CCDC146: variants seen among roughly 807,000 people sequenced by gnomAD.
CCDC146 encodes the protein coiled-coil domain-containing protein 146.
CCDC146 carries 92 observed loss-of-function variants against 119.3 expected under a neutral mutation model. The observed-to-expected ratio is 0.77, with a 90% CI of 0.65 to 0.92. CCDC146 has a LOEUF of 0.92. CCDC146 is among the 40% of genes least tolerant of loss of function. The pLI is 0.00. For missense variants in CCDC146, 1,000 were observed against 1,103.0 expected, an observed-to-expected ratio of 0.91 and a Z score of 1.32; for synonymous variants, 372 against 371.8, an observed-to-expected ratio of 1.00 and a Z score of -0.01.
At chr7:77,146,900 C>G (rs1791029580) in intron 1 of CCDC146, among the ~76,000 whole-genome samples, 1 of 152,078 alleles carries the variant, frequency 6.6e-6, no homozygotes. Flanking sequence ...GGAGTTGCTC[C>G]TCTCGAGGAG....
chr7:77,126,947 T>C (rs1181880285), intron 1 of CCDC146, among the ~76,000 whole-genome samples: 3 of 152,036 alleles, frequency 2.0e-5, no homozygotes, highest in Non-Finnish European at 4.4e-5. Context: ...CACCCAAGAA[T>C]CTGTCTGCCT....
chr7:77,291,213 A>C (rs1793936543), intron 17 of CCDC146, among the ~76,000 whole-genome samples: 1 of 152,192 alleles, frequency 6.6e-6, no homozygotes. Context: ...GGAACTAATG[A>C]GTGTTGCCAG....
rs780137124 is a variant in CCDC146, at chr7:77,260,205, A to G, written c.955A>G (p.Arg319Gly). The G allele has an allele frequency of 5.6e-5, 91 of 1,613,382 alleles. No homozygotes were observed. The highest frequency in any genetic ancestry group is 6.7e-5 in the Non-Finnish European group (79 of 1,179,858). Residue 319 changes from arginine (R) to glycine (G), a missense_variant, in exon 8 of 19, where the codon AGA becomes GGA. Transcript: ENST00000285871. ...ATTGGTCAAGCTATTGGAATTAGCC[A>G]GAGAGAATGAAGCAACTTCATTAAC... ...NQLVKLLELA[R>G]ENEATSLTER... is the part of the protein sequence containing the mutation.
intron 2 of CCDC146, among the ~76,000 whole-genome samples, chr7:77,217,333 C>G (rs1414586523): frequency 6.6e-6 from 1 of 150,962 alleles, no homozygotes; most frequent in Non-Finnish European, 1.5e-5. Context: ...ATTTTCTACA[C>G]ACACACACAC....
At chr7:77,280,207 GAA>G (rs930129082) in intron 13 of CCDC146, among the ~76,000 whole-genome samples, 8 of 152,114 alleles carry the variant, frequency 5.3e-5, no homozygotes, top group Non-Finnish European at 7.4e-5. Flanking sequence ...GGGGGAAAAG[GAA>G]AGATGTTCTA....
chr7:77,287,648 C>T (rs2150554240), intron 17 of CCDC146, 71 bp downstream of exon 17: 1 of 1,522,338 alleles, frequency 6.6e-7, no homozygotes, highest in Non-Finnish European at 8.9e-7. Flanking sequence ...CACAGACCGA[C>T]AGATTTATTG....
chr7:77,138,335 C>G (rs1790888248), intron 1 of CCDC146, among the ~76,000 whole-genome samples: 1 of 141,972 alleles, frequency 7.0e-6, no homozygotes, highest in Non-Finnish European at 1.5e-5. Flanking sequence ...CATGTACATG[C>G]AAAAAAAAAT....
chr7:77,226,436 C>T (rs1792515874), intron 2 of CCDC146, among the ~76,000 whole-genome samples: 2 of 152,218 alleles, frequency 1.3e-5, no homozygotes, highest in South Asian at 4.1e-4. Context: ...CATGCTGACC[C>T]CCTTCCAGAT....
At chr7:77,212,209 T>C (rs901194382) in intron 2 of CCDC146, among the ~76,000 whole-genome samples, 1 of 152,136 alleles carries the variant, frequency 6.6e-6, no homozygotes, top group African/African-American at 2.4e-5. Context: ...TCAAAATAAA[T>C]ATACAAATAC....
intron 2 of CCDC146, among the ~76,000 whole-genome samples, chr7:77,189,609 G>A (rs1791727949): frequency 6.6e-6 from 1 of 152,070 alleles, no homozygotes; most frequent in South Asian, 2.1e-4. Context: ...TAAAGGCCTA[G>A]GTAATCCGGT....
intron 1 of CCDC146, among the ~76,000 whole-genome samples, 170 bp from the exon 2 acceptor site, chr7:77,167,488 T>C (rs570072905): frequency 1.3e-5 from 2 of 152,190 alleles, no homozygotes; most frequent in East Asian, 3.9e-4. Flanking sequence ...GAGAGTGTCT[T>C]TGCAAAAAAC....
intron 4 of CCDC146, among the ~76,000 whole-genome samples, chr7:77,250,504 C>T (rs1806883790): frequency 6.6e-6 from 1 of 152,208 alleles, no homozygotes; most frequent in African/African-American, 2.4e-5. Context: ...TCACTCTACT[C>T]TCTTCTTGCA....
chr7:77,248,697 A>G (rs1217021148), intron 4 of CCDC146, among the ~76,000 whole-genome samples: 1 of 152,260 alleles, frequency 6.6e-6, no homozygotes, highest in East Asian at 1.9e-4. Flanking sequence ...AATCTGGTCA[A>G]TAAAACAGTT....
At chr7:77,152,436 T>C (rs1161699395) in intron 1 of CCDC146, among the ~76,000 whole-genome samples, 3 of 152,114 alleles carry the variant, frequency 2.0e-5, no homozygotes, top group Non-Finnish European at 2.9e-5. Flanking sequence ...GAAATACTTA[T>C]GCAACAAAAA....
At chr7:77,141,972 G>A (rs1790939447) in intron 1 of CCDC146, among the ~76,000 whole-genome samples, 1 of 152,100 alleles carries the variant, frequency 6.6e-6, no homozygotes, top group Admixed American at 6.6e-5. Context: ...TGGTGTCTTA[G>A]TCATGAAGTC....
At chr7:77,231,816 T>G (rs559323012) in intron 2 of CCDC146, among the ~76,000 whole-genome samples, 1 of 145,916 alleles carries the variant, frequency 6.9e-6, no homozygotes, top group African/African-American at 2.4e-5. Flanking sequence ...CCTGTTGTTG[T>G]TGTTTTTTTT....
At chr7:77,199,807 C>T (rs1791952137) in intron 2 of CCDC146, 1 of 1,609,658 alleles carries the variant, frequency 6.2e-7, no homozygotes, top group African/African-American at 1.3e-5. Flanking sequence ...TACAGTGCTG[C>T]TCACCCCAGC....
intron 2 of CCDC146, among the ~76,000 whole-genome samples, chr7:77,233,591 G>C (rs947600219): frequency 6.6e-6 from 1 of 152,182 alleles, no homozygotes; most frequent in South Asian, 2.1e-4. Context: ...ATGCTTTTGG[G>C]ATGAAACTGT....
At chr7:77,245,362 C>T (rs1237453469) in intron 4 of CCDC146, among the ~76,000 whole-genome samples, 2 of 152,260 alleles carry the variant, frequency 1.3e-5, no homozygotes, top group Admixed American at 6.5e-5. Context: ...TCAGTACTCT[C>T]TTCAACCTTT....
Sources: gnomAD v4.1 joint callset for allele counts (sites outside exome capture counted in the v4.1 genomes callset) on GRCh38, gnomAD v4.1.1 for gene constraint, MANE v1.5 for transcripts, NCBI Gene and HGNC (gene_info 2026-07-23, HGNC 2026-07-21) for gene names.